Variants in MITF observed in about 807,000 individuals in gnomAD.
The protein encoded by MITF is melanocyte inducing transcription factor, also known as microphthalmia-associated transcription factor.
Under a neutral mutation model 60.5 loss-of-function variants are expected in MITF, and 17 were observed. The observed-to-expected ratio is 0.28, with a 90% CI of 0.19 to 0.42. The LOEUF (loss-of-function observed/expected upper bound fraction) is 0.42. Among genes scored for constraint, MITF ranks in the 10% least tolerant of loss-of-function variants. The pLI is 1.00. For missense variants in MITF, 622 were observed against 683.5 expected, an observed-to-expected ratio of 0.91 and a Z score of 1.00; for synonymous variants, 260 against 248.5, an observed-to-expected ratio of 1.05 and a Z score of -0.43.
chr3:69,840,254 G>A (rs1485299404), intron 1 of MITF, among the ~76,000 whole-genome samples: 1 of 152,150 alleles, frequency 6.6e-6, no homozygotes, highest in Non-Finnish European at 1.5e-5. Flanking sequence ...CTTCTCAAAA[G>A]GCTGTGCCAG....
chr3:69,948,086 T>C lies in MITF; in HGVS notation c.763-965T>C, dbSNP rs545563917. Reference sequence around the variant, plus strand: ...CAAGAAATGGGAGGGCTAAACGACTTAAAGTCTTACCCAGTAATCATGGTT... The same window carrying C: ...CAAGAAATGGGAGGGCTAAACGACTCAAAGTCTTACCCAGTAATCATGGTT... On this transcript the variant is annotated intron_variant, in intron 5 of 9. Transcript: ENST00000352241. Among the ~76,000 whole-genome samples, 5 of 152,298 alleles carry C rather than the reference T, an allele frequency of 3.3e-5. No homozygotes were observed. In the South Asian group the frequency reaches 1.0e-3, roughly 32 times the overall value.
chr3:69,943,749 C>T (rs952386598), intron 5 of MITF, among the ~76,000 whole-genome samples: 1 of 152,074 alleles, frequency 6.6e-6, no homozygotes, highest in African/African-American at 2.4e-5. Flanking sequence ...CCACATACCA[C>T]CCCTTCTGAA....
rs1283690759 is a variant in MITF at position 69,845,440 on chromosome 3, TTC to T, written c.105-33692_105-33691del. 1.3e-4 allele frequency among the ~76,000 whole-genome samples: 16 copies of T among 122,498 alleles called. 1 individual carries two copies. Among genetic ancestry groups the T allele is most frequent in the Non-Finnish European group, 1.7e-4 (9 of 51,948 alleles). 80.4% of individuals were successfully genotyped at this position (122,498 alleles called of 152,430 possible). A position where few individuals can be genotyped will look rare whatever the true frequency, so the allele number is the denominator to read the frequency against. On this transcript the variant is annotated intron_variant, in intron 1 of 9. Coordinates refer to ENST00000352241, the MANE Select transcript of MITF (RefSeq NM_001354604.2). ...TTTTCTTTTCTTTTTTCTTTTTTCT[TTC>T]TTTTTTTTTTTTTTGCTATTTCCTC...
intron 1 of MITF, among the ~76,000 whole-genome samples, chr3:69,821,805 G>T (rs2063279142): frequency 6.6e-6 from 1 of 151,944 alleles, no homozygotes; most frequent in Admixed American, 6.6e-5. Flanking sequence ...AGACTGGAGT[G>T]CAGCGACGTG....
intron 1 of MITF, among the ~76,000 whole-genome samples, chr3:69,746,127 G>A (rs964567814): frequency 1.3e-5 from 2 of 152,146 alleles, no homozygotes; most frequent in Non-Finnish European, 2.9e-5. Context: ...TGATTAAAGT[G>A]GGATTCTCAG....
chr3:69,908,889 A>G (rs1318415694), intron 2 of MITF, among the ~76,000 whole-genome samples: 3 of 152,218 alleles, frequency 2.0e-5, no homozygotes, highest in African/African-American at 7.2e-5. Flanking sequence ...TTTGCTTTTA[A>G]GTTGAGATTA....
intron 2 of MITF, among the ~76,000 whole-genome samples, chr3:69,883,365 G>T (rs2064532616): frequency 6.6e-6 from 1 of 152,114 alleles, no homozygotes; most frequent in African/African-American, 2.4e-5. Flanking sequence ...CATTTGTATT[G>T]AGATTCTAGC....
At chr3:69,833,664 CTGTTTACACTGTATGTGGTTCT>C (rs1203033567) in intron 1 of MITF, among the ~76,000 whole-genome samples, 1 of 42,186 alleles carries the variant, frequency 2.4e-5, no homozygotes, top group African/African-American at 5.3e-5. Context: ...GGTTGTTTCC[CTGTTTACACTGTATGTGGTTCT>C]CTGTTTACAC....
chr3:69,809,531 G>T (rs1484965286), intron 1 of MITF, among the ~76,000 whole-genome samples: 1 of 151,910 alleles, frequency 6.6e-6, no homozygotes, highest in African/African-American at 2.4e-5. Flanking sequence ...TAAGGCTGTT[G>T]CTCATATTAA....
intron 2 of MITF, among the ~76,000 whole-genome samples, chr3:69,880,761 T>C (rs1393552073): frequency 6.6e-6 from 1 of 152,052 alleles, no homozygotes; most frequent in Non-Finnish European, 1.5e-5. Context: ...GTGTATACCT[T>C]AGGTTATTTA....
intron 7 of MITF, among the ~76,000 whole-genome samples, chr3:69,955,136 T>G (rs953593057): frequency 1.3e-5 from 2 of 152,128 alleles, no homozygotes; most frequent in African/African-American, 2.4e-5. Flanking sequence ...ATGCTAGACT[T>G]CAGTTCTAGG....
chr3:69,962,699 A>G (rs1276816858), intron 9 of MITF, among the ~76,000 whole-genome samples: 1 of 152,214 alleles, frequency 6.6e-6, no homozygotes, highest in Non-Finnish European at 1.5e-5. Context: ...AATCAATTAA[A>G]GTCTGTGTGG....
At chr3:69,929,615 A>T (rs928442531) in intron 2 of MITF, among the ~76,000 whole-genome samples, 2 of 152,164 alleles carry the variant, frequency 1.3e-5, no homozygotes, top group African/African-American at 4.8e-5. Context: ...TTTCTCAGAA[A>T]TAAGTAGGGA....
chr3:69,751,017 G>C (rs1181552700), intron 1 of MITF, among the ~76,000 whole-genome samples: 1 of 152,062 alleles, frequency 6.6e-6, no homozygotes, highest in Non-Finnish European at 1.5e-5. Context: ...GAGTGACTTA[G>C]AGTTAACCTA....
At chr3:69,844,976 T>A (rs527320209) in intron 1 of MITF, among the ~76,000 whole-genome samples, 207 of 152,310 alleles carry the variant, frequency 1.4e-3, no homozygotes, top group African/African-American at 4.6e-3. Context: ...TTACTTTTTT[T>A]AATTTTACCT....
intron 1 of MITF, among the ~76,000 whole-genome samples, chr3:69,828,078 T>C (rs971841509): frequency 7.3e-5 from 11 of 151,660 alleles, no homozygotes; most frequent in African/African-American, 2.4e-4. Flanking sequence ...AAGGTATGAT[T>C]ACTGGCATGG....
intron 1 of MITF, among the ~76,000 whole-genome samples, chr3:69,820,967 G>A (rs913329483): frequency 2.0e-5 from 3 of 152,002 alleles, no homozygotes; most frequent in African/African-American, 4.8e-5. Context: ...AAAGTTAAAT[G>A]AGATTTTCCA....
intron 1 of MITF, among the ~76,000 whole-genome samples, chr3:69,831,614 G>C (rs1225428044): frequency 2.0e-5 from 3 of 152,142 alleles, no homozygotes; most frequent in Non-Finnish European, 1.5e-5. Context: ...GCATTTCAAG[G>C]AGCTGCCTTG....
chr3:69,934,557 G>C (rs1388200348), intron 2 of MITF, among the ~76,000 whole-genome samples: 1 of 152,154 alleles, frequency 6.6e-6, no homozygotes, highest in African/African-American at 2.4e-5. Flanking sequence ...AAGCTCTACT[G>C]TCATTCCCAT....
Sources: gnomAD v4.1 joint callset for allele counts (sites outside exome capture counted in the v4.1 genomes callset) on GRCh38, gnomAD v4.1.1 for gene constraint, MANE v1.5 for transcripts, NCBI Gene and HGNC (gene_info 2026-07-23, HGNC 2026-07-21) for gene names.